Variants in OPRM1 observed in about 807,000 individuals in gnomAD.
OPRM1 encodes the protein mu-type opioid receptor.
Under a neutral mutation model 31.8 loss-of-function variants are expected in OPRM1, and 27 were observed. That is an observed-to-expected ratio of 0.85 (90% CI 0.63 to 1.17). OPRM1 has a LOEUF of 1.17. Ranked by LOEUF, OPRM1 falls within the 50% of genes most tolerant of loss-of-function variation. OPRM1 has a pLI of 0.00. For synonymous variants in OPRM1, 196 were observed against 189.9 expected, an observed-to-expected ratio of 1.03 and a Z score of -0.26; for missense variants, 536 against 511.1, an observed-to-expected ratio of 1.05 and a Z score of -0.47.
At chr6:154,101,610 T>C (rs1209172032) in intron 3 of OPRM1, among the ~76,000 whole-genome samples, 1 of 152,198 alleles carries the variant, frequency 6.6e-6, no homozygotes, top group African/African-American at 2.4e-5. Context: ...ATGCAAAATG[T>C]TCACAGTTCT....
chr6:154,095,693 G>A lies in OPRM1; in HGVS notation c.1164+4221G>A, dbSNP rs1019092505. ...CTGAGTATGAAAAAACAAAAAAGAT[G>A]GTCTCGTGTTTTTTTTGTGCATGCC... On this transcript the variant is annotated intron_variant, in intron 3 of 3. Coordinates refer to ENST00000330432, the MANE Select transcript of OPRM1 (RefSeq NM_000914.5). 2.6e-5 allele frequency among the ~76,000 whole-genome samples: 4 copies of A among 152,120 alleles called. No individual in the cohort carries two copies. The South Asian group carries it at 6.2e-4, about 24-fold the overall frequency.
At chr6:154,188,779 C>A (rs1005843537) in intron 3 of OPRM1, among the ~76,000 whole-genome samples, 10 of 152,080 alleles carry the variant, frequency 6.6e-5, no homozygotes, top group Non-Finnish European at 7.4e-5. Flanking sequence ...ATGGCGTGTA[C>A]AGAAATGATA....
chr6:154,081,437 C>T (rs1007220967), intron 1 of OPRM1, among the ~76,000 whole-genome samples: 1 of 152,062 alleles, frequency 6.6e-6, no homozygotes, highest in African/African-American at 2.4e-5. Flanking sequence ...ACCCGGGAGG[C>T]GGAGTTTGCA....
At chr6:154,109,431 T>A (rs914607758) in intron 3 of OPRM1, among the ~76,000 whole-genome samples, 7 of 152,232 alleles carry the variant, frequency 4.6e-5, no homozygotes, top group African/African-American at 1.7e-4. Flanking sequence ...AGTTTAGAAT[T>A]TTCTAAGCTG....
chr6:154,205,860 A>G (rs891842777), intron 3 of OPRM1, among the ~76,000 whole-genome samples: 2 of 151,928 alleles, frequency 1.3e-5, no homozygotes, highest in Non-Finnish European at 1.5e-5. Context: ...TTGTATCTCC[A>G]TGCTTCTGCT....
At chr6:154,045,482 G>A (rs1234516647) in intron 1 of OPRM1, among the ~76,000 whole-genome samples, 1 of 152,144 alleles carries the variant, frequency 6.6e-6, no homozygotes, top group African/African-American at 2.4e-5. Context: ...TTGAGACCAA[G>A]AGCACTGCTC....
chr6:154,204,902 C>T (rs1777364074), intron 3 of OPRM1, among the ~76,000 whole-genome samples: 1 of 152,198 alleles, frequency 6.6e-6, no homozygotes, highest in Non-Finnish European at 1.5e-5. Context: ...CCTCCACCTG[C>T]ATCTCCTCCC....
At chr6:154,049,600 A>T (rs1781812300) in intron 1 of OPRM1, among the ~76,000 whole-genome samples, 1 of 152,240 alleles carries the variant, frequency 6.6e-6, no homozygotes, top group Non-Finnish European at 1.5e-5. Flanking sequence ...TCCTCAAGGA[A>T]ATATTTTTGA....
At chr6:154,116,316 G>T (rs1796868089) in intron 3 of OPRM1, among the ~76,000 whole-genome samples, 1 of 152,080 alleles carries the variant, frequency 6.6e-6, no homozygotes, top group African/African-American at 2.4e-5. Flanking sequence ...GTTGGGCGTG[G>T]TGCCTCATGC....
intron 1 of OPRM1, among the ~76,000 whole-genome samples, chr6:154,028,376 C>T (rs1440990275): frequency 1.3e-5 from 2 of 152,190 alleles, no homozygotes; most frequent in Non-Finnish European, 2.9e-5. Context: ...CCCCACTCTT[C>T]CTTCTCCTCT....
chr6:154,225,808 A>G (rs192326855), intron 3 of OPRM1, among the ~76,000 whole-genome samples: 3 of 152,366 alleles, frequency 2.0e-5, no homozygotes, highest in Admixed American at 2.0e-4. Context: ...GTAAATTTCC[A>G]TAATTGAAAC....
intron 3 of OPRM1, among the ~76,000 whole-genome samples, chr6:154,109,713 G>T (rs1796103959): frequency 6.6e-6 from 1 of 151,834 alleles, no homozygotes. Flanking sequence ...TGGTCATGGG[G>T]ACTGATAATA....
intron 1 of OPRM1, among the ~76,000 whole-genome samples, chr6:154,026,250 T>A (rs536120681): frequency 2.0e-5 from 3 of 152,188 alleles, no homozygotes; most frequent in African/African-American, 7.2e-5. Context: ...TTTAAATATG[T>A]CATGCCACTC....
At chr6:154,201,541 T>G (rs1211569913) in intron 3 of OPRM1, among the ~76,000 whole-genome samples, 2 of 152,170 alleles carry the variant, frequency 1.3e-5, no homozygotes, top group Non-Finnish European at 2.9e-5. Flanking sequence ...AGAAGGCATT[T>G]TATGGTTCAG....
chr6:154,079,542 A>C (rs893940003), intron 1 of OPRM1, among the ~76,000 whole-genome samples: 4 of 152,206 alleles, frequency 2.6e-5, no homozygotes, highest in African/African-American at 9.6e-5. Flanking sequence ...AGACTCATAC[A>C]CACTGGAGTG....
At position 154,114,440 on chromosome 6, in the gene OPRM1, AAAAG is replaced by A. The variant is rs551648813; in HGVS notation, c.1165-4241_1165-4238del. ...AAGCCCAATTTCTCTGCAGAAAAAA[AAAAG>A]AGAGAAAGAGAAAGAGAGAGAGGCT... On this transcript the variant is annotated intron_variant, in intron 3 of 3. Coordinates refer to ENST00000330432, the MANE Select transcript of OPRM1 (RefSeq NM_000914.5). Among the ~76,000 whole-genome samples, 1,363 of 152,272 alleles carry A rather than the reference AAAAG, an allele frequency of 9.0e-3. 23 individuals are homozygous for A. The highest frequency in any genetic ancestry group is 0.031 in the African/African-American group (1,291 of 41,540).
intron 3 of OPRM1, among the ~76,000 whole-genome samples, chr6:154,202,559 C>CT (rs1351232148): frequency 6.6e-6 from 1 of 152,102 alleles, no homozygotes; most frequent in African/African-American, 2.4e-5. Context: ...GAAACAACAC[C>CT]AAATAAGCTT....
chr6:154,087,464 G>A (rs1790872470), intron 1 of OPRM1: 1 of 985,322 alleles, frequency 1.0e-6, no homozygotes, highest in Non-Finnish European at 1.2e-6. Flanking sequence ...AGCCCAAGGA[G>A]GGCCTGGCTT....
At position 154,017,307 on chromosome 6, in the gene OPRM1, T is replaced by C. The variant is rs542452043; in HGVS notation, c.-1+6289T>C. Among the ~76,000 whole-genome samples the C allele has an allele frequency of 1.8e-3, 277 of 152,316 alleles. 3 individuals are homozygous for C. Among genetic ancestry groups the C allele is most frequent in the Middle Eastern group, 6.8e-3 (2 of 294 alleles). ...TGTTAAGTAAATGCATGGGCGAGTA[T>C]TGATTTTTTGTCACAGCCAAAAATC... is the stretch of plus-strand genomic sequence containing the variant. On this transcript the variant is annotated intron_variant, in intron 1 of 5. Coordinates refer to the OPRM1 transcript ENST00000434900.
Sources: allele counts gnomAD v4.1 joint callset (sites outside exome capture counted in the v4.1 genomes callset), GRCh38; gene constraint gnomAD v4.1.1; transcripts MANE v1.5; gene names NCBI Gene and HGNC (gene_info 2026-07-23, HGNC 2026-07-21).